MRPS27: variants seen among roughly 807,000 people sequenced by gnomAD.
The protein encoded by MRPS27 is small ribosomal subunit protein mS27.
A neutral mutation model predicts 48.9 loss-of-function variants in MRPS27; 43 were observed. The ratio of observed to expected loss-of-function variants is 0.88; its 90% CI spans 0.69 to 1.13. MRPS27 has a LOEUF of 1.13. Ranked by LOEUF, MRPS27 falls within the 50% of genes most tolerant of loss-of-function variation. MRPS27 has a pLI of 0.00. For missense variants in MRPS27, 467 were observed against 476.3 expected (o/e 0.98, Z 0.18); for synonymous variants, 188 against 171.9 (o/e 1.09, Z -0.73).
chr5:72,243,922 G>A (rs1175604747), intron 4 of MRPS27, among the ~76,000 whole-genome samples: 1 of 152,168 alleles, frequency 6.6e-6, no homozygotes, highest in African/African-American at 2.4e-5. Context: ...CCCCTTTGTA[G>A]TCAACCTCTC....
At chr5:72,319,205 CTT>C (rs1750665733) in intron 1 of MRPS27, among the ~76,000 whole-genome samples, 1 of 152,164 alleles carries the variant, frequency 6.6e-6, no homozygotes, top group South Asian at 2.1e-4. Flanking sequence ...TCTATAAATA[CTT>C]TAAAACTTTT....
chr5:72,314,092 T>C lies in MRPS27; in HGVS notation c.140A>G (p.His47Arg). The change falls in exon 2 of 11, where the codon CAT (histidine) becomes CGT (arginine). Residue 47 changes from histidine to arginine, a missense_variant. By Grantham distance (29) the His-to-Arg change is conservative (BLOSUM62 0). Transcript: ENST00000261413. The part of the protein sequence containing the change: ...SHKWEAREKE[H>R]YCLADLASLM... ...CAATAGGTACCTACCAAGACAGTAA[T>C]GTTCTTTTTCTCTTGCTTCCCATTT... 6.2e-7 allele frequency: 1 copy of C among 1,612,410 alleles called. No homozygotes were observed. Among genetic ancestry groups the C allele is most frequent in the Non-Finnish European group, 8.5e-7 (1 of 1,178,872 alleles).
rs376883036 is a variant in MRPS27 at position 72,314,168 on chromosome 5, T to C, written c.74-10A>G. 27 of 1,604,680 alleles carry C rather than the reference T, an allele frequency of 1.7e-5. No individual in the cohort carries two copies. Among genetic ancestry groups the C allele is most frequent in the East Asian group, 4.5e-5 (2 of 44,704 alleles). ...AGCAGGTATCTTTTACCTGAGAAAATAGGCAATTATTTCAACACACATGGT... is the reference window on the plus strand; with the variant it reads ...AGCAGGTATCTTTTACCTGAGAAAACAGGCAATTATTTCAACACACATGGT... On this transcript the variant is annotated splice_polypyrimidine_tract_variant and intron_variant, in intron 1 of 10. Transcript: ENST00000261413.
chr5:72,233,979 T>TA, intron 6 of MRPS27, 140 bp downstream of exon 6: 1 of 904,706 alleles, frequency 1.1e-6, no homozygotes, highest in Non-Finnish European at 1.5e-6. Context: ...GCATAAAAGA[T>TA]AATCATCAAA....
intron 2 of MRPS27, among the ~76,000 whole-genome samples, chr5:72,311,132 T>C (rs1750432373): frequency 6.6e-6 from 1 of 152,250 alleles, no homozygotes; most frequent in Non-Finnish European, 1.5e-5. Flanking sequence ...GACCCTATTA[T>C]TGGGTCAATT....
rs184103844 is a variant in MRPS27, at chr5:72,249,655, A to T, written c.282-11527T>A. 8.6e-3 allele frequency among the ~76,000 whole-genome samples: 1,313 copies of T among 151,906 alleles called. 27 individuals carry two copies. Among genetic ancestry groups the T allele is most frequent in the African/African-American group, 0.029 (1,194 of 41,370 alleles). On this transcript the variant is annotated intron_variant, in intron 4 of 10. Transcript: ENST00000261413. ...AGCCAAGATGGCGCCACTGCACTCC[A>T]GCCTGGGCGACAGAGCAAGACTCCA...
intron 4 of MRPS27, among the ~76,000 whole-genome samples, chr5:72,294,300 C>CA (rs1255849929): frequency 6.6e-6 from 1 of 151,754 alleles, no homozygotes; most frequent in Non-Finnish European, 1.5e-5. Flanking sequence ...AACTACTCCC[C>CA]AAAAAACCCC....
intron 4 of MRPS27, among the ~76,000 whole-genome samples, chr5:72,287,627 T>G (rs1306441760): frequency 6.6e-6 from 1 of 152,028 alleles, no homozygotes; most frequent in Non-Finnish European, 1.5e-5. Flanking sequence ...TGACAGAGAC[T>G]CCATCTCAAT....
At chr5:72,275,498 T>C (rs1004197056) in intron 4 of MRPS27, among the ~76,000 whole-genome samples, 25 of 152,200 alleles carry the variant, frequency 1.6e-4, no homozygotes, top group African/African-American at 4.8e-4. Flanking sequence ...CAAACTACCA[T>C]TGACATTCTT....
intron 6 of MRPS27, among the ~76,000 whole-genome samples, 161 bp from the exon 7 acceptor site, chr5:72,232,719 C>A (rs1164143580): frequency 6.6e-6 from 1 of 152,140 alleles, no homozygotes; most frequent in Non-Finnish European, 1.5e-5. Context: ...CTAGTTCTTC[C>A]ACAAACAAGG....
chr5:72,228,398 A>AG, intron 7 of MRPS27, 30 bp from the exon 8 acceptor site: 1 of 1,469,248 alleles, frequency 6.8e-7, no homozygotes, highest in Non-Finnish European at 9.5e-7. Flanking sequence ...ATCATGATCC[A>AG]TCTAAGCAAT....
intron 10 of MRPS27, among the ~76,000 whole-genome samples, chr5:72,222,192 G>C (rs188776597): frequency 6.6e-6 from 1 of 152,344 alleles, no homozygotes; most frequent in East Asian, 1.9e-4. Context: ...AAAAGGAAAT[G>C]TAAAACGAAA....
At chr5:72,222,739 A>G (rs1372708675) in intron 10 of MRPS27, among the ~76,000 whole-genome samples, 1 of 152,186 alleles carries the variant, frequency 6.6e-6, no homozygotes, top group African/African-American at 2.4e-5. Context: ...TTCTCTGGGT[A>G]CCTTGGGAAT....
At chr5:72,266,734 C>A (rs975516040) in intron 4 of MRPS27, among the ~76,000 whole-genome samples, 7 of 152,132 alleles carry the variant, frequency 4.6e-5, no homozygotes, top group African/African-American at 1.7e-4. Flanking sequence ...GTGGCACGTG[C>A]CTGTAGTCAC....
At chr5:72,277,522 T>C (rs1179546485) in intron 4 of MRPS27, among the ~76,000 whole-genome samples, 1 of 151,926 alleles carries the variant, frequency 6.6e-6, no homozygotes, top group Non-Finnish European at 1.5e-5. Context: ...GAGAATCGCT[T>C]GAACCAGGGA....
At chr5:72,221,375 C>T (rs910184105) in intron 10 of MRPS27, among the ~76,000 whole-genome samples, 6 of 152,204 alleles carry the variant, frequency 3.9e-5, no homozygotes, top group Non-Finnish European at 8.8e-5. Context: ...TGCTGCCTTT[C>T]ATTCAGGTGC....
chr5:72,261,885 TA>T (rs950485358), intron 4 of MRPS27, among the ~76,000 whole-genome samples: 14 of 152,284 alleles, frequency 9.2e-5, no homozygotes, highest in African/African-American at 3.4e-4. Flanking sequence ...CACATTGCTA[TA>T]TTGAGCAGGA....
chr5:72,293,191 C>T (rs531457471), intron 4 of MRPS27, among the ~76,000 whole-genome samples: 37 of 152,006 alleles, frequency 2.4e-4, no homozygotes, highest in Middle Eastern at 6.8e-3. Context: ...ACTTAGCTAA[C>T]GAGAGAACCC....
chr5:72,256,726 C>T (rs1157302474), intron 4 of MRPS27, among the ~76,000 whole-genome samples: 1 of 152,170 alleles, frequency 6.6e-6, no homozygotes, highest in Non-Finnish European at 1.5e-5. Context: ...TACATATTTG[C>T]TTAAGTGATC....
Sources: gnomAD v4.1 joint callset for allele counts (sites outside exome capture counted in the v4.1 genomes callset) on GRCh38, gnomAD v4.1.1 for gene constraint, MANE v1.5 for transcripts, NCBI Gene and HGNC (gene_info 2026-07-23, HGNC 2026-07-21) for gene names.